RASGRF2: variants seen among roughly 807,000 people sequenced by gnomAD.
RASGRF2 encodes Ras protein specific guanine nucleotide releasing factor 2.
Under a neutral mutation model 151.0 loss-of-function variants are expected in RASGRF2, and 76 were observed. That is an observed-to-expected ratio of 0.50 (90% CI 0.42 to 0.61). The LOEUF (loss-of-function observed/expected upper bound fraction) is 0.61, where lower values mean the gene tolerates loss of function less well. Among genes scored for constraint, RASGRF2 ranks in the 20% least tolerant of loss-of-function variants. RASGRF2 has a pLI of 0.00. For synonymous variants in RASGRF2, 504 were observed against 566.5 expected (o/e 0.89, Z 1.57); for missense variants, 1,148 against 1,564.6 (o/e 0.73, Z 4.49).
Position 81,061,060 on chromosome 5 carries a change from G to C in RASGRF2, c.396-6972G>C, listed in dbSNP as rs568045222. Reference sequence around the variant, plus strand: ...ATCTCAATTTCTTGTTTTTTTTTCTGTTTATTTATCAATAAATCTTGGGTA... The same window carrying C: ...ATCTCAATTTCTTGTTTTTTTTTCTCTTTATTTATCAATAAATCTTGGGTA... On this transcript the variant is annotated intron_variant, in intron 2 of 26. Transcript: ENST00000265080. 8.9e-4 allele frequency among the ~76,000 whole-genome samples: 132 copies of C among 148,412 alleles called. 1 individual carries two copies. In the South Asian group the frequency reaches 0.028, roughly 31 times the overall value.
chr5:81,116,665 T>C (rs546926359), intron 15 of RASGRF2, among the ~76,000 whole-genome samples: 1 of 152,326 alleles, frequency 6.6e-6, no homozygotes, highest in Non-Finnish European at 1.5e-5. Flanking sequence ...CGAAACTCTA[T>C]AATCATTGAA....
At chr5:81,210,594 C>T (rs565667082) in intron 22 of RASGRF2, among the ~76,000 whole-genome samples, 2 of 152,306 alleles carry the variant, frequency 1.3e-5, no homozygotes, top group East Asian at 3.9e-4. Context: ...CAGCCATGTA[C>T]CTTAAACCAT....
chr5:81,077,960 C>T (rs1319671705), intron 5 of RASGRF2, among the ~76,000 whole-genome samples: 1 of 152,148 alleles, frequency 6.6e-6, no homozygotes, highest in Non-Finnish European at 1.5e-5. Flanking sequence ...CAAGATATGC[C>T]TCTCTTTGGA....
At chr5:81,053,346 A>G (rs936354016) in intron 2 of RASGRF2, among the ~76,000 whole-genome samples, 1 of 135,368 alleles carries the variant, frequency 7.4e-6, no homozygotes, top group Admixed American at 8.6e-5. Context: ...TCATTGTTCA[A>G]TTCCCACCTA....
intron 17 of RASGRF2, 65 bp downstream of exon 17, chr5:81,127,228 G>T (rs1294060867): frequency 1.1e-5 from 17 of 1,500,952 alleles, no homozygotes; most frequent in Non-Finnish European, 1.6e-5. Flanking sequence ...GCCCGTGTCT[G>T]CCAGTGTCTT....
intron 1 of RASGRF2, among the ~76,000 whole-genome samples, chr5:80,989,819 A>G (rs1203444363): frequency 6.6e-6 from 1 of 152,228 alleles, no homozygotes; most frequent in African/African-American, 2.4e-5. Flanking sequence ...TAATCATGCT[A>G]CCAGTCAACT....
At chr5:80,980,366 G>A (rs1388652221) in intron 1 of RASGRF2, among the ~76,000 whole-genome samples, 3 of 152,196 alleles carry the variant, frequency 2.0e-5, no homozygotes, top group Non-Finnish European at 2.9e-5. Context: ...CTGGCTGGGT[G>A]CAGTGGTTCA....
At chr5:81,026,823 A>G (rs1750052087) in intron 1 of RASGRF2, among the ~76,000 whole-genome samples, 1 of 152,234 alleles carries the variant, frequency 6.6e-6, no homozygotes, top group Admixed American at 6.5e-5. Context: ...TGAAGTCCTA[A>G]TACAATGTTT....
intron 12 of RASGRF2, among the ~76,000 whole-genome samples, chr5:81,098,880 A>G (rs1376352218): frequency 1.3e-5 from 2 of 152,240 alleles, no homozygotes; most frequent in East Asian, 1.9e-4. Context: ...CATTATTAAT[A>G]AGATAAGCTT....
chr5:81,060,522 T>C (rs1214639398), intron 2 of RASGRF2, among the ~76,000 whole-genome samples: 1 of 152,116 alleles, frequency 6.6e-6, no homozygotes, highest in African/African-American at 2.4e-5. Flanking sequence ...ATATGATAGA[T>C]TTGTCTTATT....
chr5:81,018,858 A>G (rs574012157), intron 1 of RASGRF2, among the ~76,000 whole-genome samples: 2 of 148,912 alleles, frequency 1.3e-5, no homozygotes, highest in African/African-American at 2.5e-5. Context: ...GCTGGAGCAC[A>G]GTGGCGCAAT....
chr5:81,160,286 T>C (rs943974743), intron 17 of RASGRF2, among the ~76,000 whole-genome samples: 7 of 152,044 alleles, frequency 4.6e-5, no homozygotes, highest in African/African-American at 1.4e-4. Context: ...CTGGGCATGG[T>C]GGCGCACGCC....
At chr5:81,183,475 T>C (rs748222859) in intron 18 of RASGRF2, among the ~76,000 whole-genome samples, 52 of 152,196 alleles carry the variant, frequency 3.4e-4, no homozygotes, top group Middle Eastern at 3.2e-3. Context: ...TAGCATTTCA[T>C]CTTCTGGAGC....
At chr5:81,097,594 TG>T (rs2112511360) in intron 12 of RASGRF2, among the ~76,000 whole-genome samples, 1 of 152,258 alleles carries the variant, frequency 6.6e-6, no homozygotes, top group South Asian at 2.1e-4. Flanking sequence ...AGTTTTTAAA[TG>T]GTGGTCACCT....
At chr5:80,992,543 C>G (rs770598266) in intron 1 of RASGRF2, among the ~76,000 whole-genome samples, 1 of 152,104 alleles carries the variant, frequency 6.6e-6, no homozygotes, top group Non-Finnish European at 1.5e-5. Flanking sequence ...AGGGAAGAAA[C>G]TCTCTGACAA....
At chr5:81,022,885 G>A (rs919102717) in intron 1 of RASGRF2, among the ~76,000 whole-genome samples, 1 of 152,154 alleles carries the variant, frequency 6.6e-6, no homozygotes, top group Non-Finnish European at 1.5e-5. Context: ...TGCGTCAGTG[G>A]GTCTAGTTCT....
chr5:81,139,596 T>C (rs1182006154), intron 17 of RASGRF2, among the ~76,000 whole-genome samples: 2 of 152,028 alleles, frequency 1.3e-5, no homozygotes, highest in East Asian at 1.9e-4. Context: ...TCTTGCTTTA[T>C]TGCACCGACT....
intron 1 of RASGRF2, among the ~76,000 whole-genome samples, chr5:80,990,216 ATGT>A (rs574480271): frequency 0.018 from 2,323 of 129,650 alleles, 69 homozygotes; most frequent in African/African-American, 0.058. Flanking sequence ...TGACTGCCAG[ATGT>A]TTTTTTTTTT....
chr5:81,090,123 A>C (rs1447495411), intron 9 of RASGRF2, among the ~76,000 whole-genome samples: 2 of 152,230 alleles, frequency 1.3e-5, no homozygotes, highest in Non-Finnish European at 2.9e-5. Flanking sequence ...ACTCTAAGTC[A>C]TGCGCTTTCA....
Sources: gnomAD v4.1 joint callset for allele counts (sites outside exome capture counted in the v4.1 genomes callset) on GRCh38, gnomAD v4.1.1 for gene constraint, MANE v1.5 for transcripts, NCBI Gene and HGNC (gene_info 2026-07-23, HGNC 2026-07-21) for gene names.